NAV2: variants seen among roughly 807,000 people sequenced by gnomAD.
The protein encoded by NAV2 is helicase, APC down-regulated 1.
NAV2 carries 54 observed loss-of-function variants against 223.2 expected under a neutral mutation model. The ratio of observed to expected loss-of-function variants is 0.24; its 90% CI spans 0.19 to 0.30. The LOEUF (loss-of-function observed/expected upper bound fraction) is 0.30, where lower values mean the gene tolerates loss of function less well. Among genes scored for constraint, NAV2 ranks in the 10% least tolerant of loss-of-function variants. The pLI is 1.00. For synonymous variants in NAV2, 1,279 were observed against 1,239.3 expected (o/e 1.03, Z -0.67); for missense variants, 2,806 against 3,147.5 (o/e 0.89, Z 2.60).
At chr11:20,097,502 AC>A in intron 30 of NAV2, 74 bp from the exon 31 acceptor site, 1 of 1,173,298 alleles carries the variant, frequency 8.5e-7, no homozygotes, top group Non-Finnish European at 1.2e-6. Context: ...ATCATAAATC[AC>A]CCAGGGAAAA....
At chr11:19,941,081 T>G (rs1238676882) in intron 8 of NAV2, among the ~76,000 whole-genome samples, 1 of 152,186 alleles carries the variant, frequency 6.6e-6, no homozygotes, top group African/African-American at 2.4e-5. Flanking sequence ...TGTGGATTCC[T>G]GTCAGATGCT....
chr11:19,539,726 A>G (rs34367455), intron 1 of NAV2, among the ~76,000 whole-genome samples: 26,564 of 152,162 alleles, frequency 0.17, 4,354 homozygotes, highest in African/African-American at 0.44. Context: ...AATGTCATGG[A>G]CATTTTGAAG....
chr11:19,484,022 CCTT>C (rs2042361761), intron 1 of NAV2, among the ~76,000 whole-genome samples: 1 of 151,890 alleles, frequency 6.6e-6, no homozygotes, highest in Non-Finnish European at 1.5e-5. Flanking sequence ...GCTCCGCGTG[CCTT>C]CTTGCTAATT....
rs2135327737 is a variant in NAV2 at position 19,610,877 on chromosome 11, C to G, written c.76-221607C>G. The stretch of plus-strand genomic sequence containing the variant: ...GTGGATGGATGCATTCATAAGACCC[C>G]AGGCCTACTTGCCTAAATGCCTGTA... On this transcript the variant is annotated intron_variant, in intron 1 of 37. Coordinates refer to the NAV2 transcript ENST00000360655. 1.3e-5 allele frequency among the ~76,000 whole-genome samples: 2 copies of G among 152,170 alleles called. 1 individual carries two copies. Among genetic ancestry groups the G allele is most frequent in the South Asian group, 4.1e-4 (2 of 4,822 alleles).
chr11:20,017,679 T>C (rs1339864400), intron 11 of NAV2, among the ~76,000 whole-genome samples: 1 of 152,252 alleles, frequency 6.6e-6, no homozygotes, highest in Non-Finnish European at 1.5e-5. Context: ...ATTGACTATT[T>C]GTTGAATGTT....
At chr11:19,735,603 A>G (rs929146155) in intron 1 of NAV2, among the ~76,000 whole-genome samples, 10 of 152,222 alleles carry the variant, frequency 6.6e-5, no homozygotes, top group Non-Finnish European at 8.8e-5. Context: ...TAAGAATTAT[A>G]TAGCTAAATC....
chr11:19,347,630 A>G (rs1443013890), upstream of NAV2, among the ~76,000 whole-genome samples: 1 of 152,160 alleles, frequency 6.6e-6, no homozygotes, highest in Non-Finnish European at 1.5e-5. Flanking sequence ...CTTATGGTGC[A>G]GTTTGGCCAG....
chr11:20,098,840 C>T (rs2061451160), intron 31 of NAV2, among the ~76,000 whole-genome samples: 1 of 152,224 alleles, frequency 6.6e-6, no homozygotes, highest in Admixed American at 6.5e-5. Flanking sequence ...ACCTCAAGCA[C>T]AGCTGGATCC....
In NAV2 at chr11:19,712,932, C is replaced by G. The variant is rs1167537968; in HGVS notation, c.-764C>G. On this transcript the variant is annotated 5_prime_UTR_variant, in exon 1 of 38. Coordinates refer to ENST00000349880, the MANE Select transcript of NAV2 (RefSeq NM_145117.5). ...AGCCCTGCCCGGCCCGCCAGCCGCG[C>G]GTCCCGGCGCCCGCGCCCCACGGCC... Among the ~76,000 whole-genome samples the G allele has an allele frequency of 6.6e-6, 1 of 151,624 alleles. No homozygotes were observed. Among genetic ancestry groups the G allele is most frequent in the Non-Finnish European group, 1.5e-5 (1 of 67,860 alleles).
At chr11:19,427,205 A>T (rs1850865464) in intron 1 of NAV2, among the ~76,000 whole-genome samples, 1 of 152,140 alleles carries the variant, frequency 6.6e-6, no homozygotes, top group South Asian at 2.1e-4. Flanking sequence ...TCATGTGGCT[A>T]CTCTGAGTCT....
chr11:19,660,623 T>C (rs2135726502), intron 1 of NAV2, among the ~76,000 whole-genome samples: 1 of 152,332 alleles, frequency 6.6e-6, no homozygotes, highest in South Asian at 2.1e-4. Flanking sequence ...ACAGCGTTCC[T>C]CAACCTTTCT....
intron 6 of NAV2, among the ~76,000 whole-genome samples, chr11:19,927,713 C>CAAAACA (rs1555149869): frequency 1.3e-4 from 19 of 151,466 alleles, no homozygotes; most frequent in African/African-American, 3.2e-4. Flanking sequence ...CAAAACAAAA[C>CAAAACA]AAAAAAAACC....
At chr11:19,831,668 G>A (rs2059949917) in intron 1 of NAV2, among the ~76,000 whole-genome samples, 1 of 152,128 alleles carries the variant, frequency 6.6e-6, no homozygotes, top group Non-Finnish European at 1.5e-5. Flanking sequence ...GTTTTCTTGT[G>A]CTTGTTGGCC....
At chr11:19,991,429 A>G (rs2051321679) in intron 11 of NAV2, among the ~76,000 whole-genome samples, 1 of 152,140 alleles carries the variant, frequency 6.6e-6, no homozygotes, top group Non-Finnish European at 1.5e-5. Flanking sequence ...CAAGCCTCCA[A>G]GATAAATACT....
intron 11 of NAV2, among the ~76,000 whole-genome samples, chr11:20,002,968 G>A (rs2052703329): frequency 6.6e-6 from 1 of 152,194 alleles, no homozygotes. Context: ...AACACCCAGT[G>A]ACCAGATTAC....
At chr11:19,470,324 G>A (rs1329160829) in intron 1 of NAV2, among the ~76,000 whole-genome samples, 2 of 152,174 alleles carry the variant, frequency 1.3e-5, no homozygotes, top group Non-Finnish European at 2.9e-5. Flanking sequence ...TTAATCAAGG[G>A]ACAATTTACC....
chr11:20,075,637 G>A (rs966872953), intron 22 of NAV2, among the ~76,000 whole-genome samples: 4 of 152,098 alleles, frequency 2.6e-5, no homozygotes, highest in Admixed American at 6.5e-5. Context: ...CCCTGCCAGC[G>A]GTTGATTCTA....
At chr11:19,884,338 C>G in intron 5 of NAV2, 1 of 1,614,108 alleles carries the variant, frequency 6.2e-7, no homozygotes, top group South Asian at 1.1e-5. Context: ...ATCCGCTTCA[C>G]TCTGGGTCAG....
At chr11:20,051,252 C>T in intron 16 of NAV2, 37 bp from the exon 17 acceptor site, 1 of 1,594,732 alleles carries the variant, frequency 6.3e-7, no homozygotes, top group South Asian at 1.1e-5. Context: ...CTGTGTGCTG[C>T]TCTGAAGTTC....
Sources: allele counts gnomAD v4.1 joint callset (sites outside exome capture counted in the v4.1 genomes callset), GRCh38; gene constraint gnomAD v4.1.1; transcripts MANE v1.5; gene names NCBI Gene and HGNC (gene_info 2026-07-23, HGNC 2026-07-21).